Variants in UBE2E3 observed in about 807,000 individuals in gnomAD.
The protein encoded by UBE2E3 is ubiquitin-conjugating enzyme E2 E3.
A neutral mutation model predicts 23.6 loss-of-function variants in UBE2E3; 5 were observed. That is an observed-to-expected ratio of 0.21 (90% CI 0.11 to 0.44). The LOEUF (loss-of-function observed/expected upper bound fraction) is 0.44. UBE2E3 is among the 20% of genes least tolerant of loss of function. The pLI is 0.99. For missense variants in UBE2E3, 81 were observed against 249.8 expected (o/e 0.32, Z 4.55); for synonymous variants, 78 against 87.5 (o/e 0.89, Z 0.60).
chr2:181,031,723 T>C (rs188822786), intron 3 of UBE2E3, among the ~76,000 whole-genome samples: 4 of 152,298 alleles, frequency 2.6e-5, no homozygotes, highest in Admixed American at 2.6e-4. Flanking sequence ...ATTCCTTCTT[T>C]ACACCCATTT....
intron 3 of UBE2E3, among the ~76,000 whole-genome samples, chr2:180,984,450 T>G (rs773925023): frequency 1.3e-5 from 2 of 152,236 alleles, no homozygotes; most frequent in Non-Finnish European, 2.9e-5. Flanking sequence ...GTGTGCAATC[T>G]GAACTGACCT....
At chr2:181,057,903 T>C in intron 4 of UBE2E3, 78 bp downstream of exon 4, 1 of 1,403,562 alleles carries the variant, frequency 7.1e-7, no homozygotes, top group Non-Finnish European at 9.7e-7. Flanking sequence ...TAAATGTGTA[T>C]TGATGCAGTT....
chr2:181,034,148 AC>A (rs1392354725), intron 3 of UBE2E3, among the ~76,000 whole-genome samples: 1 of 152,196 alleles, frequency 6.6e-6, no homozygotes, highest in African/African-American at 2.4e-5. Context: ...AACTAGAAAT[AC>A]CATTTGACCC....
intron 3 of UBE2E3, among the ~76,000 whole-genome samples, chr2:180,993,726 T>C (rs1232468533): frequency 6.6e-6 from 1 of 152,190 alleles, no homozygotes; most frequent in African/African-American, 2.4e-5. Context: ...CATTAAATTC[T>C]AGTAGGTCAA....
intron 3 of UBE2E3, among the ~76,000 whole-genome samples, chr2:181,000,556 C>CTT (rs112131285): frequency 1.9e-4 from 26 of 138,622 alleles, no homozygotes; most frequent in African/African-American, 3.2e-4. Context: ...AAAGAATAAC[C>CTT]TTTTTTTTTT....
chr2:180,987,495 AC>A, intron 3 of UBE2E3: 4 of 1,330,846 alleles, frequency 3.0e-6, no homozygotes, highest in Non-Finnish European at 4.1e-6. Context: ...TTGAATCTAT[AC>A]TGGAGATATT....
chr2:180,988,139 G>T (rs910215398), intron 3 of UBE2E3, among the ~76,000 whole-genome samples: 5 of 152,136 alleles, frequency 3.3e-5, no homozygotes, highest in Non-Finnish European at 7.4e-5. Context: ...GACTTAATGT[G>T]TTTAAGTTTT....
chr2:181,062,389 A>T (rs1687184776), intron 5 of UBE2E3, among the ~76,000 whole-genome samples: 1 of 151,676 alleles, frequency 6.6e-6, no homozygotes, highest in Non-Finnish European at 1.5e-5. Flanking sequence ...ATTTTATTTG[A>T]AATAGCATGG....
intron 3 of UBE2E3, among the ~76,000 whole-genome samples, chr2:181,055,224 C>T (rs564751899): frequency 1.3e-5 from 2 of 151,326 alleles, no homozygotes; most frequent in South Asian, 4.2e-4. Context: ...GATGGAAACT[C>T]GAAGGGAGAG....
intron 3 of UBE2E3, among the ~76,000 whole-genome samples, chr2:181,026,105 C>A (rs1327929332): frequency 6.6e-6 from 1 of 151,782 alleles, no homozygotes; most frequent in East Asian, 1.9e-4. Flanking sequence ...AGAATCAAAT[C>A]TGTTGGGATA....
chr2:180,980,871 T>G lies in UBE2E3; in HGVS notation c.-128T>G, dbSNP rs1301172064. 10 of 109,994 alleles carry G rather than the reference T, an allele frequency of 9.1e-5. No individual in the cohort carries two copies. Among genetic ancestry groups the G allele is most frequent in the East Asian group, 6.5e-4 (2 of 3,080 alleles). 6.8% of individuals were successfully genotyped at this position (109,994 alleles called of 1,614,324 possible). A position where few individuals can be genotyped will look rare whatever the true frequency, so the allele number is the denominator to read the frequency against. On this transcript the variant is annotated 5_prime_UTR_variant, in exon 1 of 6. Coordinates refer to ENST00000410062, the MANE Select transcript of UBE2E3 (RefSeq NM_006357.4). This position sits in a 1 kb window ranked among gnomAD's most constrained non-coding sequence, Gnocchi z 5.5. ...GGCTTCTTTTTTTCCCTCCCCCCCC[T>G]TCCCCCCCCCACAGCTGCCTCCATT...
intron 3 of UBE2E3, among the ~76,000 whole-genome samples, chr2:181,028,912 T>G (rs1685983218): frequency 6.6e-6 from 1 of 152,174 alleles, no homozygotes; most frequent in Admixed American, 6.6e-5. Flanking sequence ...TTTTGTGTCA[T>G]GGTTAAGAAA....
chr2:181,041,851 G>T (rs190389227), intron 3 of UBE2E3, among the ~76,000 whole-genome samples: 2 of 152,322 alleles, frequency 1.3e-5, no homozygotes, highest in Admixed American at 1.3e-4. Context: ...TGGTCTGGAA[G>T]AGCAGTGGAG....
chr2:181,001,442 C>G (rs1022556450), intron 3 of UBE2E3, among the ~76,000 whole-genome samples: 1 of 152,202 alleles, frequency 6.6e-6, no homozygotes, highest in Admixed American at 6.5e-5. Flanking sequence ...CCCCCACACC[C>G]CCAACTGTGA....
At chr2:181,003,724 T>C (rs72883568) in intron 3 of UBE2E3, among the ~76,000 whole-genome samples, 35,276 of 152,070 alleles carry the variant, frequency 0.23, 4,454 homozygotes, top group Non-Finnish European at 0.28. Flanking sequence ...TGGACATTTT[T>C]ATTGCCGTTT....
intron 3 of UBE2E3, among the ~76,000 whole-genome samples, chr2:181,002,954 G>A (rs1685032503): frequency 6.6e-6 from 1 of 152,292 alleles, no homozygotes; most frequent in African/African-American, 2.4e-5. Flanking sequence ...CTCAACACCC[G>A]GTACAAAAAT....
intron 3 of UBE2E3, among the ~76,000 whole-genome samples, chr2:181,053,993 A>C (rs539827759): frequency 2.0e-5 from 3 of 151,940 alleles, no homozygotes; most frequent in East Asian, 3.9e-4. Context: ...TATGCATTTA[A>C]GTTTCATCCA....
chr2:180,990,095 A>C, intron 3 of UBE2E3: 1 of 1,058,672 alleles, frequency 9.4e-7, no homozygotes, highest in Admixed American at 2.8e-5. Flanking sequence ...AAGCTGAAAC[A>C]TCTTCAAACT....
At chr2:181,023,477 A>G (rs918573845) in intron 3 of UBE2E3, among the ~76,000 whole-genome samples, 1 of 152,184 alleles carries the variant, frequency 6.6e-6, no homozygotes, top group Admixed American at 6.5e-5. Flanking sequence ...CTTTCATTTG[A>G]TAATAAGGAG....
Sources: allele counts gnomAD v4.1 joint callset (sites outside exome capture counted in the v4.1 genomes callset), GRCh38; gene constraint gnomAD v4.1.1; non-coding constraint Gnocchi (gnomAD v3.1); transcripts MANE v1.5; gene names NCBI Gene and HGNC (gene_info 2026-07-23, HGNC 2026-07-21).